ZDHHC14: variants seen among roughly 807,000 people sequenced by gnomAD.
ZDHHC14 encodes zDHHC palmitoyltransferase 14, also known as palmitoyltransferase ZDHHC14.
A neutral mutation model predicts 47.7 loss-of-function variants in ZDHHC14; 16 were observed. That is an observed-to-expected ratio of 0.34 (90% CI 0.23 to 0.51). ZDHHC14 has a LOEUF of 0.51. ZDHHC14 is among the 20% of genes least tolerant of loss of function. The pLI is 0.97. For synonymous variants in ZDHHC14, 293 were observed against 278.9 expected (o/e 1.05, Z -0.50); for missense variants, 515 against 662.5 (o/e 0.78, Z 2.44).
chr6:157,533,602 G>A (rs1319776508), intron 1 of ZDHHC14, among the ~76,000 whole-genome samples: 1 of 152,188 alleles, frequency 6.6e-6, no homozygotes, highest in Non-Finnish European at 1.5e-5. Context: ...GGAAGATGAG[G>A]TCAAAGAGGT....
intron 1 of ZDHHC14, among the ~76,000 whole-genome samples, chr6:157,409,541 T>C (rs982428903): frequency 2.6e-5 from 4 of 152,166 alleles, no homozygotes; most frequent in Non-Finnish European, 5.9e-5. Flanking sequence ...ACTCGATAGA[T>C]ATTTACTGAG....
chr6:157,473,863 C>T (rs1779413630), intron 1 of ZDHHC14, among the ~76,000 whole-genome samples: 1 of 151,888 alleles, frequency 6.6e-6, no homozygotes, highest in Non-Finnish European at 1.5e-5. Flanking sequence ...ACTTGTGTTC[C>T]ATCTCCAAGA....
chr6:157,567,678 G>A (rs993178034), intron 2 of ZDHHC14, among the ~76,000 whole-genome samples: 1 of 152,118 alleles, frequency 6.6e-6, no homozygotes, highest in Non-Finnish European at 1.5e-5. Flanking sequence ...TTAGCCAGAT[G>A]TGGTGGTGTG....
intron 1 of ZDHHC14, among the ~76,000 whole-genome samples, chr6:157,505,629 G>A (rs1339624943): frequency 1.3e-5 from 2 of 152,260 alleles, no homozygotes; most frequent in East Asian, 3.9e-4. Flanking sequence ...ATCTATTTAG[G>A]CCAAAGTATA....
intron 1 of ZDHHC14, among the ~76,000 whole-genome samples, chr6:157,411,409 G>A (rs892444595): frequency 6.6e-6 from 1 of 152,170 alleles, no homozygotes; most frequent in East Asian, 1.9e-4. Flanking sequence ...ATAAATCTGT[G>A]TGAGAAGATG....
intron 1 of ZDHHC14, among the ~76,000 whole-genome samples, chr6:157,470,260 C>A (rs1176039648): frequency 6.6e-6 from 1 of 152,134 alleles, no homozygotes; most frequent in Non-Finnish European, 1.5e-5. Flanking sequence ...CCAGAAGGAA[C>A]CAAAATTAAA....
In ZDHHC14 at chr6:157,677,830, A is replaced by G. The variant is rs1356349367; in HGVS notation, c.*4708A>G. 6.8e-6 allele frequency: 1 copy of G among 147,736 alleles called. No homozygotes were observed. Among genetic ancestry groups the G allele is most frequent in the Non-Finnish European group, 1.5e-5 (1 of 67,236 alleles). 9.2% of individuals were successfully genotyped at this position (147,736 alleles called of 1,614,324 possible). A position where few individuals can be genotyped will look rare whatever the true frequency, so the allele number is the denominator to read the frequency against. On this transcript the variant is annotated 3_prime_UTR_variant, in exon 9 of 9. Transcript: ENST00000359775. ...TGCTTTCTGGGTTCTATATGAATAGAGATGGTTTTAGCCTGCAATTAAAAA... is the reference window on the plus strand; with the variant it reads ...TGCTTTCTGGGTTCTATATGAATAGGGATGGTTTTAGCCTGCAATTAAAAA...
rs776847836 is a variant in ZDHHC14 at position 157,382,045 on chromosome 6, C to T, written c.24C>T (p.Pro8=). 6 of 1,567,932 alleles carry T rather than the reference C, an allele frequency of 3.8e-6. No homozygotes were observed. Among genetic ancestry groups the T allele is most frequent in the Non-Finnish European group, 5.2e-6 (6 of 1,160,034 alleles). The change falls in exon 1 of 9, where the codon CCC becomes CCT. Residue 8 remains proline, a synonymous_variant. Coordinates refer to ENST00000359775, the MANE Select transcript of ZDHHC14 (RefSeq NM_024630.3). The part of the protein sequence containing the change: MPPGGGG[P]MKDCEYSQIS... The stretch of plus-strand genomic sequence containing the variant: ...GGATGCCTCCCGGCGGCGGCGGGCC[C>T]ATGAAAGACTGCGAGTACAGCCAGA...
rs1041033493 is a variant in ZDHHC14 at position 157,381,764 on chromosome 6, G to C, written c.-258G>C. The C allele has an allele frequency of 5.4e-5, 8 of 148,714 alleles. No homozygotes were observed. The highest frequency in any genetic ancestry group is 1.7e-4 in the African/African-American group (7 of 40,822). The allele number at this position is 148,714 out of a possible 1,614,324, so 9.2% of individuals were successfully genotyped here. On this transcript the variant is annotated 5_prime_UTR_variant, in exon 1 of 9. Transcript: ENST00000359775. ...GCGCCCCGGGACGCGGGCTGGAAGC[G>C]ACGGAGGAGTGCTGCCGCGGGCTGC...
intron 4 of ZDHHC14, among the ~76,000 whole-genome samples, chr6:157,629,212 T>G (rs755113789): frequency 2.0e-5 from 3 of 152,238 alleles, no homozygotes; most frequent in Non-Finnish European, 4.4e-5. Context: ...TGTCTCTTGG[T>G]CATTCACTTT....
At chr6:157,400,008 C>T (rs977186409) in intron 1 of ZDHHC14, among the ~76,000 whole-genome samples, 1 of 152,252 alleles carries the variant, frequency 6.6e-6, no homozygotes, top group Admixed American at 6.5e-5. Flanking sequence ...ACCTCCTTCT[C>T]CATTACCATG....
At chr6:157,642,405 G>A (rs540543830) in intron 5 of ZDHHC14, among the ~76,000 whole-genome samples, 5 of 152,214 alleles carry the variant, frequency 3.3e-5, no homozygotes, top group African/African-American at 9.7e-5. Flanking sequence ...CACAGAGCCT[G>A]CACTTCTGGG....
chr6:157,485,887 C>A (rs981972543), intron 1 of ZDHHC14, among the ~76,000 whole-genome samples: 3 of 152,064 alleles, frequency 2.0e-5, no homozygotes, highest in African/African-American at 7.2e-5. Context: ...GTAGCACGTG[C>A]CTGTAATCCC....
chr6:157,656,708 AAAAAAAAAAAC>A (rs1778108316), intron 8 of ZDHHC14, among the ~76,000 whole-genome samples: 1 of 91,354 alleles, frequency 1.1e-5, no homozygotes, highest in Non-Finnish European at 2.1e-5. Flanking sequence ...GAAGATACCA[AAAAAAAAAAAC>A]AAAAAAAAAA....
intron 7 of ZDHHC14, among the ~76,000 whole-genome samples, chr6:157,651,160 T>C (rs1490404579): frequency 1.3e-5 from 2 of 152,178 alleles, no homozygotes; most frequent in Non-Finnish European, 1.5e-5. Flanking sequence ...AACAGAAAGT[T>C]GTTCTGTTAT....
At chr6:157,630,557 T>TACCCTTACACACCCACAC (rs1785640849) in intron 4 of ZDHHC14, 1 of 144,976 alleles carries the variant, frequency 6.9e-6, no homozygotes, top group African/African-American at 2.6e-5. Context: ...CACTCTCACA[T>TACCCTTACACACCCACAC]ACCCTTACAC....
At chr6:157,468,756 G>A (rs976062911) in intron 1 of ZDHHC14, among the ~76,000 whole-genome samples, 2 of 152,226 alleles carry the variant, frequency 1.3e-5, no homozygotes, top group African/African-American at 4.8e-5. Context: ...ACAGCAGTAG[G>A]AGTAATTTAT....
At chr6:157,663,276 T>A (rs117443153) in intron 8 of ZDHHC14, among the ~76,000 whole-genome samples, 2,969 of 152,282 alleles carry the variant, frequency 0.019, 48 homozygotes, top group Non-Finnish European at 0.03. Flanking sequence ...ACAGGTCACA[T>A]CTAGGACCAG....
intron 2 of ZDHHC14, among the ~76,000 whole-genome samples, chr6:157,576,469 T>C (rs749427803): frequency 1.3e-5 from 2 of 152,246 alleles, no homozygotes; most frequent in African/African-American, 2.4e-5. Context: ...CCAGAGATTA[T>C]ATTCAATGAC....
Sources: gnomAD v4.1 joint callset for allele counts (sites outside exome capture counted in the v4.1 genomes callset) on GRCh38, gnomAD v4.1.1 for gene constraint, MANE v1.5 for transcripts, NCBI Gene and HGNC (gene_info 2026-07-23, HGNC 2026-07-21) for gene names.